The following ATP9B variants were observed in gnomAD, a reference collection of about 807,000 sequenced individuals.
ATP9B encodes probable phospholipid-transporting ATPase IIB.
Under a neutral mutation model 146.1 loss-of-function variants are expected in ATP9B, and 110 were observed. That is an observed-to-expected ratio of 0.75 (90% confidence interval 0.65 to 0.88). ATP9B has a LOEUF of 0.88. Among genes scored for constraint, ATP9B ranks in the 40% least tolerant of loss-of-function variants. The probability of loss-of-function intolerance (pLI) is 0.00; values close to 1 mark genes in which losing one functional copy is unlikely to be tolerated. For synonymous variants in ATP9B, 604 were observed against 569.7 expected (o/e 1.06, Z -0.86); for missense variants, 1,499 against 1,496.4 (o/e 1.00, Z -0.03).
At chr18:79,246,462 C>A (rs1322268786) in intron 11 of ATP9B, among the ~76,000 whole-genome samples, 2 of 152,244 alleles carry the variant, frequency 1.3e-5, no homozygotes, top group Non-Finnish European at 2.9e-5. Flanking sequence ...GGGCATCTTA[C>A]GAGATGCCAG....
chr18:79,295,391 C>T (rs1314203715), intron 13 of ATP9B, among the ~76,000 whole-genome samples: 5 of 152,190 alleles, frequency 3.3e-5, no homozygotes, highest in Non-Finnish European at 7.3e-5. Flanking sequence ...TATAAAGTTT[C>T]ATATCGAGAA....
intron 9 of ATP9B, 150 bp downstream of exon 9, chr18:79,193,413 T>C: frequency 1.6e-6 from 1 of 642,768 alleles, no homozygotes; most frequent in Non-Finnish European, 2.6e-6. Flanking sequence ...AGTTCTTAAG[T>C]GTACCCATAT....
intron 17 of ATP9B, among the ~76,000 whole-genome samples, chr18:79,332,246 G>A (rs548053187): frequency 5.3e-4 from 81 of 152,110 alleles, no homozygotes; most frequent in Admixed American, 1.4e-3. Context: ...TGGCTAACAC[G>A]GTGAAACCCC....
chr18:79,276,985 G>A (rs2096317728), intron 12 of ATP9B, 69 bp from the exon 13 acceptor site: 1 of 1,561,290 alleles, frequency 6.4e-7, no homozygotes, highest in Admixed American at 1.7e-5. Flanking sequence ...GTTTTATCTG[G>A]CAGTTTGGGT....
At chr18:79,196,739 A>G (rs981093524) in intron 9 of ATP9B, among the ~76,000 whole-genome samples, 1 of 152,258 alleles carries the variant, frequency 6.6e-6, no homozygotes, top group African/African-American at 2.4e-5. Context: ...TAATTGGATC[A>G]GAAAGCCTAA....
At chr18:79,347,659 A>C in intron 23 of ATP9B, 111 bp from the exon 24 acceptor site, 3 of 1,284,946 alleles carry the variant, frequency 2.3e-6, no homozygotes, top group Non-Finnish European at 3.1e-6. Flanking sequence ...CAAGTTCTGC[A>C]GAGAGAATTT....
chr18:79,082,131 G>C (rs183129720), intron 1 of ATP9B, among the ~76,000 whole-genome samples: 1 of 151,998 alleles, frequency 6.6e-6, no homozygotes, highest in African/African-American at 2.4e-5. Flanking sequence ...CTCTAATCTT[G>C]TCTTCACGCT....
At position 79,307,205 on chromosome 18, in the gene ATP9B, C is replaced by A; in HGVS notation, c.1744C>A (p.Arg582Ser). ...EADQDFSDENRTYQASSPDEV... is the reference protein window; with the variant it reads ...EADQDFSDENSTYQASSPDEV... Reference sequence around the variant, plus strand: ...TGACCAAGACTTCAGTGATGAGAATCGCACCTACCAGGCTTCCAGCCCGGA... The same window carrying A: ...TGACCAAGACTTCAGTGATGAGAATAGCACCTACCAGGCTTCCAGCCCGGA... The change falls in exon 15 of 30, where the codon CGC becomes AGC. Residue 582 changes from arginine (R) to serine (S), a missense_variant. Transcript: ENST00000426216. 1 of 1,614,220 alleles carries A rather than the reference C, an allele frequency of 6.2e-7. No homozygotes were observed. Among genetic ancestry groups the A allele is most frequent in the South Asian group, 1.1e-5 (1 of 91,072 alleles).
chr18:79,283,669 CAT>C (rs1291311980), intron 13 of ATP9B, among the ~76,000 whole-genome samples: 3 of 152,154 alleles, frequency 2.0e-5, no homozygotes, highest in Non-Finnish European at 4.4e-5. Flanking sequence ...GTGCATGAAA[CAT>C]AAAGCAATTC....
chr18:79,374,689 C>A (rs1372351693), intron 28 of ATP9B, among the ~76,000 whole-genome samples: 1 of 152,236 alleles, frequency 6.6e-6, no homozygotes, highest in Non-Finnish European at 1.5e-5. Context: ...CAGTGGTGAA[C>A]CTGTACGTAG....
chr18:79,189,642 A>G (rs1454847452), intron 8 of ATP9B, among the ~76,000 whole-genome samples: 2 of 152,358 alleles, frequency 1.3e-5, no homozygotes, highest in East Asian at 3.9e-4. Context: ...ATCATACGGA[A>G]GAGAAAATAC....
intron 12 of ATP9B, among the ~76,000 whole-genome samples, chr18:79,256,257 C>CTCTATATATATA (rs1555791767): frequency 2.0e-5 from 2 of 100,398 alleles, no homozygotes; most frequent in African/African-American, 9.3e-5. Context: ...TTCTAGCTAG[C>CTCTATATATATA]TATATATATA....
At chr18:79,364,347 A>G (rs1414514061) in intron 26 of ATP9B, 3 of 152,222 alleles carry the variant, frequency 2.0e-5, no homozygotes, top group African/African-American at 4.8e-5. Flanking sequence ...TTACTGTAAA[A>G]CAGTAATCAG....
At chr18:79,319,791 C>A (rs1474255659) in intron 15 of ATP9B, among the ~76,000 whole-genome samples, 1 of 152,196 alleles carries the variant, frequency 6.6e-6, no homozygotes, top group Non-Finnish European at 1.5e-5. Context: ...GTAAATAAAT[C>A]TAAAATAAAG....
chr18:79,153,408 C>A (rs964104020), intron 6 of ATP9B, among the ~76,000 whole-genome samples: 1 of 152,110 alleles, frequency 6.6e-6, no homozygotes, highest in African/African-American at 2.4e-5. Context: ...CTCCTCAAAT[C>A]TGTGGGGTTT....
intron 12 of ATP9B, among the ~76,000 whole-genome samples, chr18:79,256,483 T>A (rs1353499636): frequency 6.6e-6 from 1 of 151,280 alleles, no homozygotes; most frequent in Non-Finnish European, 1.5e-5. Context: ...TTTTGCTGTT[T>A]GTTTTACTTC....
chr18:79,263,041 T>C (rs1160411810), intron 12 of ATP9B, among the ~76,000 whole-genome samples: 1 of 152,242 alleles, frequency 6.6e-6, no homozygotes, highest in Non-Finnish European at 1.5e-5. Flanking sequence ...CAGCAGCCTT[T>C]GAGCATTGTT....
intron 13 of ATP9B, among the ~76,000 whole-genome samples, chr18:79,277,585 A>G (rs2096326447): frequency 6.6e-6 from 1 of 152,168 alleles, no homozygotes; most frequent in Non-Finnish European, 1.5e-5. Flanking sequence ...GAAGAAAATA[A>G]CAGATATGTT....
At chr18:79,162,442 TA>T (rs1379014081) in intron 7 of ATP9B, among the ~76,000 whole-genome samples, 1 of 152,240 alleles carries the variant, frequency 6.6e-6, no homozygotes, top group Non-Finnish European at 1.5e-5. Flanking sequence ...TTAGTGGTAT[TA>T]AGAGAAATTA....
Sources: gnomAD v4.1 joint callset for allele counts (sites outside exome capture counted in the v4.1 genomes callset) on GRCh38, gnomAD v4.1.1 for gene constraint, MANE v1.5 for transcripts, NCBI Gene and HGNC (gene_info 2026-07-23, HGNC 2026-07-21) for gene names.